BTRC: variants seen among roughly 807,000 people sequenced by gnomAD.
The protein encoded by BTRC is F-box/WD repeat-containing protein 1A.
Under a neutral mutation model 85.5 loss-of-function variants are expected in BTRC, and 42 were observed. That is an observed-to-expected ratio of 0.49 (90% CI 0.38 to 0.64). The LOEUF is 0.64. Ranked by LOEUF, BTRC falls within the 30% of genes least tolerant of loss-of-function variation. The pLI is 0.00. For missense variants in BTRC, 594 were observed against 743.5 expected (o/e 0.80, Z 2.34); for synonymous variants, 255 against 263.3 (o/e 0.97, Z 0.30).
At chr10:101,432,380 A>G (rs1039148112) in intron 2 of BTRC, among the ~76,000 whole-genome samples, 2 of 152,074 alleles carry the variant, frequency 1.3e-5, no homozygotes, top group Non-Finnish European at 2.9e-5. Context: ...TGCCTGCCTC[A>G]GCCTCCCAAA....
At chr10:101,370,221 A>C (rs984855124) in intron 1 of BTRC, among the ~76,000 whole-genome samples, 3 of 152,216 alleles carry the variant, frequency 2.0e-5, no homozygotes, top group Non-Finnish European at 4.4e-5. Flanking sequence ...TCCTGGGCTC[A>C]GGTGATCCTC....
intron 3 of BTRC, among the ~76,000 whole-genome samples, chr10:101,475,948 TATATA>T (rs1945672474): frequency 4.5e-5 from 6 of 132,284 alleles, no homozygotes; most frequent in Admixed American, 7.4e-5. Flanking sequence ...TATATATATA[TATATA>T]TTCAGTAATT....
At chr10:101,502,493 A>T (rs539821199) in intron 4 of BTRC, among the ~76,000 whole-genome samples, 1 of 152,108 alleles carries the variant, frequency 6.6e-6, no homozygotes, top group Non-Finnish European at 1.5e-5. Context: ...AAGTTTCATG[A>T]AACATTAACC....
chr10:101,373,500 G>A (rs2134552915), intron 1 of BTRC, among the ~76,000 whole-genome samples: 1 of 152,252 alleles, frequency 6.6e-6, no homozygotes, highest in African/African-American at 2.4e-5. Flanking sequence ...CATGTTAAGG[G>A]CAATTAGAGG....
In BTRC at chr10:101,555,075, A is replaced by G. The variant is rs946350951; in HGVS notation, c.*1952A>G. ...CCAGCTACCCAAATGCTACAGAGAA[A>G]TGTTTTCTACTTGGCCACTATCAGG... On this transcript the variant is annotated 3_prime_UTR_variant, in exon 15 of 15. Coordinates refer to ENST00000370187, the MANE Select transcript of BTRC (RefSeq NM_033637.4). The G allele has an allele frequency of 6.6e-6, 1 of 152,368 alleles. No homozygotes were observed. Among genetic ancestry groups the G allele is most frequent in the African/African-American group, 2.4e-5 (1 of 41,470 alleles). The allele number at this position is 152,368 out of a possible 1,614,324, so 9.4% of individuals were successfully genotyped here. A position where few individuals can be genotyped will look rare whatever the true frequency, so the allele number is the denominator to read the frequency against.
At chr10:101,491,151 T>A (rs1350857679) in intron 4 of BTRC, among the ~76,000 whole-genome samples, 1 of 152,182 alleles carries the variant, frequency 6.6e-6, no homozygotes, top group African/African-American at 2.4e-5. Context: ...AGTATACAGA[T>A]CTTTCAAGGA....
At chr10:101,435,684 T>C (rs1944509946) in intron 2 of BTRC, among the ~76,000 whole-genome samples, 1 of 152,176 alleles carries the variant, frequency 6.6e-6, no homozygotes, top group Admixed American at 6.6e-5. Context: ...TTTTGGCATG[T>C]ATTTTTATTT....
At chr10:101,487,469 A>G (rs1162355292) in intron 4 of BTRC, among the ~76,000 whole-genome samples, 1 of 152,220 alleles carries the variant, frequency 6.6e-6, no homozygotes, top group Non-Finnish European at 1.5e-5. Flanking sequence ...CAGTGCCTCT[A>G]ATAAAGCCAC....
intron 3 of BTRC, 52 bp from the exon 4 acceptor site, chr10:101,479,316 T>C: frequency 7.5e-7 from 1 of 1,325,736 alleles, no homozygotes; most frequent in Non-Finnish European, 1.1e-6. Context: ...AAACAGGATA[T>C]GGCAGTATTT....
intron 6 of BTRC, among the ~76,000 whole-genome samples, chr10:101,527,621 G>A (rs891638373): frequency 2.6e-5 from 4 of 152,104 alleles, no homozygotes; most frequent in African/African-American, 7.2e-5. Context: ...GGGCCTGGTG[G>A]CGCATGCCTG....
At chr10:101,517,498 C>A (rs2062038321) in intron 4 of BTRC, among the ~76,000 whole-genome samples, 1 of 152,132 alleles carries the variant, frequency 6.6e-6, no homozygotes. Context: ...AAATGTGGTA[C>A]AGTTTTATAG....
chr10:101,430,533 A>G (rs1020467036), intron 2 of BTRC, 81 bp downstream of exon 2: 14 of 1,078,310 alleles, frequency 1.3e-5, no homozygotes, highest in Non-Finnish European at 1.7e-5. Flanking sequence ...CTCCTTTCCC[A>G]TACTTTACTT....
At chr10:101,508,913 T>TAAAAAAAAAAAAAA (rs59998718) in intron 4 of BTRC, among the ~76,000 whole-genome samples, 2,159 of 101,690 alleles carry the variant, frequency 0.021, 71 homozygotes, top group Non-Finnish European at 0.032. Context: ...GACTCCATCT[T>TAAAAAAAAAAAAAA]AAAAAAAAAA....
At chr10:101,365,638 G>C (rs1942351057) in intron 1 of BTRC, among the ~76,000 whole-genome samples, 1 of 151,092 alleles carries the variant, frequency 6.6e-6, no homozygotes, top group African/African-American at 2.4e-5. Flanking sequence ...ACCACACTCA[G>C]CTAATTTTTG....
chr10:101,420,665 T>A (rs1473847765), intron 1 of BTRC, among the ~76,000 whole-genome samples: 1 of 152,068 alleles, frequency 6.6e-6, no homozygotes, highest in Non-Finnish European at 1.5e-5. Flanking sequence ...CTCTGCTTAG[T>A]CCCTGAAACT....
In BTRC at chr10:101,372,127, C is replaced by T. The variant is rs558884944; in HGVS notation, c.48+17899C>T. Among the ~76,000 whole-genome samples the T allele has an allele frequency of 2.0e-5, 3 of 152,088 alleles. No homozygotes were observed. The South Asian group carries it at 6.2e-4, about 32-fold the overall frequency. The stretch of plus-strand genomic sequence containing the variant: ...CCATTGGTCTATTCTTGTGCCAATA[C>T]CACACTGTCTTAATTTCTATATTTT... On this transcript the variant is annotated intron_variant, in intron 1 of 14. Coordinates refer to ENST00000370187, the MANE Select transcript of BTRC (RefSeq NM_033637.4).
intron 1 of BTRC, among the ~76,000 whole-genome samples, chr10:101,371,894 G>C (rs1942645845): frequency 6.6e-6 from 1 of 151,900 alleles, no homozygotes; most frequent in Non-Finnish European, 1.5e-5. Flanking sequence ...TTTGAGGGAG[G>C]CACACCTCAC....
chr10:101,392,125 G>A lies in BTRC; in HGVS notation c.48+37897G>A, dbSNP rs186882288. ...CTCCCATGTAGCTGGGATTACTGGCGTGCGCCACCACGCCCAGCTAATTTT... is the reference window on the plus strand; with the variant it reads ...CTCCCATGTAGCTGGGATTACTGGCATGCGCCACCACGCCCAGCTAATTTT... On this transcript the variant is annotated intron_variant, in intron 1 of 14. Transcript: ENST00000370187. Among the ~76,000 whole-genome samples the A allele has an allele frequency of 1.8e-4, 28 of 152,186 alleles. 1 individual carries two copies. In the East Asian group the frequency reaches 4.6e-3, roughly 25 times the overall value.
intron 3 of BTRC, among the ~76,000 whole-genome samples, chr10:101,467,195 T>TA (rs35514260): frequency 0.2 from 30,052 of 146,794 alleles, 3,499 homozygotes; most frequent in South Asian, 0.35. Context: ...TTTCTTCCTT[T>TA]AAAAAAAAAA....
Sources: allele counts gnomAD v4.1 joint callset (sites outside exome capture counted in the v4.1 genomes callset), GRCh38; gene constraint gnomAD v4.1.1; transcripts MANE v1.5; gene names NCBI Gene and HGNC (gene_info 2026-07-23, HGNC 2026-07-21).